NUP85: variants seen among roughly 807,000 people sequenced by gnomAD.
NUP85 encodes nucleoporin 85.
Under a neutral mutation model 92.8 loss-of-function variants are expected in NUP85, and 23 were observed. The ratio of observed to expected loss-of-function variants is 0.25; its 90% CI spans 0.18 to 0.35. The LOEUF is 0.35. NUP85 is among the 10% of genes least tolerant of loss of function. The pLI is 1.00. For synonymous variants in NUP85, 314 were observed against 306.9 expected, an observed-to-expected ratio of 1.02 and a Z score of -0.24; for missense variants, 759 against 822.8, an observed-to-expected ratio of 0.92 and a Z score of 0.95.
intron 7 of NUP85, among the ~76,000 whole-genome samples, chr17:75,221,756 A>G (rs1016365091): frequency 6.6e-6 from 1 of 152,184 alleles, no homozygotes; most frequent in African/African-American, 2.4e-5. Flanking sequence ...TGAGCAGAGG[A>G]AGCCTGAGAT....
intron 6 of NUP85, 39 bp downstream of exon 6, chr17:75,215,862 C>G (rs146209539): frequency 2.0e-6 from 3 of 1,515,744 alleles, no homozygotes; most frequent in Non-Finnish European, 1.8e-6. Flanking sequence ...CATAGGTGTC[C>G]CCTTCCATCT....
intron 18 of NUP85, 34 bp from the exon 19 acceptor site, chr17:75,235,544 C>T: frequency 6.5e-7 from 1 of 1,529,876 alleles, no homozygotes; most frequent in Non-Finnish European, 9.1e-7. Flanking sequence ...CTCCTTCCTG[C>T]TCTTAGCTCA....
Position 75,231,596 on chromosome 17 carries a change from T to C in NUP85, c.1202T>C (p.Phe401Ser). The C allele has an allele frequency of 1.9e-6, 3 of 1,614,158 alleles. No individual in the cohort carries two copies. The highest frequency in any genetic ancestry group is 2.5e-6 in the Non-Finnish European group (3 of 1,180,016). Residue 401 changes from phenylalanine (F) to serine (S), a missense_variant, in exon 13 of 19, where the codon TTC (phenylalanine) becomes TCC (serine). By Grantham distance (155) the Phe-to-Ser change is radical. Coordinates refer to ENST00000245544, the MANE Select transcript of NUP85 (RefSeq NM_024844.5). This position sits in a 1 kb window ranked among gnomAD's most constrained non-coding sequence, Gnocchi z 4.6. ...NLYFGSNMRE[F>S]LLLEYASGLF... ...AGTTTCGGTTCCAACATGAGAGAGT[T>C]CCTCCTGCTGGAGTACGCCTCGGGA...
intron 16 of NUP85, among the ~76,000 whole-genome samples, chr17:75,233,587 A>C (rs2145429425): frequency 6.7e-6 from 1 of 150,196 alleles, no homozygotes; most frequent in Non-Finnish European, 1.5e-5. Flanking sequence ...ACACCTGGCT[A>C]ATTTTTGTAT....
intron 7 of NUP85, among the ~76,000 whole-genome samples, chr17:75,221,702 T>A (rs1330570371): frequency 6.6e-6 from 1 of 152,168 alleles, no homozygotes; most frequent in African/African-American, 2.4e-5. Context: ...TAAAAGCTAG[T>A]CTTTTACTTC....
At chr17:75,234,900 G>A (rs750471677) in intron 17 of NUP85, 112 bp downstream of exon 17, 30 of 1,336,492 alleles carry the variant, frequency 2.2e-5, no homozygotes, top group African/African-American at 2.9e-5. Flanking sequence ...GCCTGTGCGC[G>A]TGTATTCCCC....
rs372532025 is a variant in NUP85, at chr17:75,232,853, C to T, written c.1399C>T (p.Arg467Cys). ...ACCTTTTCTTTTCCCCTGCAAAGTT[C>T]GCAGCATTTGTAAGATCTTAGCCAT... ...CEQRQMTEQVRSICKILAMKA... is the reference protein window; with the variant it reads ...CEQRQMTEQVCSICKILAMKA... The change falls in exon 15 of 19, where the codon CGC becomes TGC. Residue 467 changes from arginine (R) to cysteine (C), a missense_variant and splice_region_variant. By Grantham distance (180) the Arg-to-Cys change is radical. Transcript: ENST00000245544. The T allele has an allele frequency of 7.1e-5, 114 of 1,613,656 alleles. No individual in the cohort carries two copies. The highest frequency in any genetic ancestry group is 5.1e-4 in the African/African-American group (38 of 74,926).
chr17:75,225,894 C>G (rs2075775746), intron 10 of NUP85, 65 bp downstream of exon 10: 2 of 1,605,378 alleles, frequency 1.2e-6, no homozygotes, highest in Non-Finnish European at 1.7e-6. Flanking sequence ...ATGGGTCATT[C>G]TCTTTGAATT....
intron 11 of NUP85, among the ~76,000 whole-genome samples, chr17:75,229,594 G>T (rs890835367): frequency 6.6e-6 from 1 of 152,198 alleles, no homozygotes; most frequent in African/African-American, 2.4e-5. Context: ...GAGTGGGAGT[G>T]TGTGCGTGTG....
At chr17:75,210,352 G>A (rs191718242) in intron 3 of NUP85, among the ~76,000 whole-genome samples, 3 of 152,238 alleles carry the variant, frequency 2.0e-5, no homozygotes, top group Admixed American at 1.3e-4. Flanking sequence ...TGGTTCAGAC[G>A]TTATTTGACA....
At chr17:75,205,929 C>A in intron 1 of NUP85, 135 bp downstream of exon 1, 1 of 1,037,000 alleles carries the variant, frequency 9.6e-7, no homozygotes, top group Non-Finnish European at 1.4e-6. Flanking sequence ...GCCACTTTTC[C>A]GGAGGTCGCA....
At position 75,227,002 on chromosome 17, in the gene NUP85, A is replaced by C. The variant is rs182953694; in HGVS notation, c.1094+845A>C. The C allele has an allele frequency of 1.8e-3, 436 of 242,544 alleles. 3 individuals are homozygous for C. The highest frequency in any genetic ancestry group is 4.7e-3 in the South Asian group (102 of 21,770). The allele number at this position is 242,544 out of a possible 1,614,324, so 15.0% of individuals were successfully genotyped here. ...CAAGGCAGGAAAGGGAGTGCCAAAC[A>C]TAATCAATCAAAGGTAAACCTTTCC... is the stretch of plus-strand genomic sequence containing the variant. On this transcript the variant is annotated intron_variant, in intron 11 of 18. Transcript: ENST00000245544.
intron 3 of NUP85, among the ~76,000 whole-genome samples, chr17:75,211,568 T>C (rs2075261570): frequency 6.6e-6 from 1 of 151,802 alleles, no homozygotes; most frequent in African/African-American, 2.4e-5. Context: ...CTGGGATTTT[T>C]GTATTTTTAG....
intron 11 of NUP85, chr17:75,228,097 C>T (rs2030831280): frequency 4.6e-6 from 3 of 655,966 alleles, no homozygotes; most frequent in Non-Finnish European, 5.7e-6. Flanking sequence ...TCTAAATTTC[C>T]TGTGTTATAA....
chr17:75,228,646 C>T lies in NUP85; in HGVS notation c.1094+2489C>T, dbSNP rs117311822. 4.6e-4 allele frequency: 458 copies of T among 985,412 alleles called. 8 individuals carry two copies. In the East Asian group the frequency reaches 0.042, roughly 90 times the overall value. The allele number at this position is 985,412 out of a possible 1,614,324, so 61.0% of individuals were successfully genotyped here. On this transcript the variant is annotated intron_variant, in intron 11 of 18. Coordinates refer to ENST00000245544, the MANE Select transcript of NUP85 (RefSeq NM_024844.5). ...TTCTGGGCGGCAGGGAAGTGTGTCT[C>T]TTTCTGGACTTGAGCCAGTGAGCTG...
rs773987333 is a variant in NUP85, at chr17:75,215,739, C to G, written c.406-15C>G. 5 of 1,613,034 alleles carry G rather than the reference C, an allele frequency of 3.1e-6. No individual in the cohort carries two copies. The South Asian group carries it at 5.5e-5, about 18-fold the overall frequency. ...GAATCATTTCAGGTGAAACCTGTCCCCATTTCTTCCTTAGGTCTCCATTTT... is the reference window on the plus strand; with the variant it reads ...GAATCATTTCAGGTGAAACCTGTCCGCATTTCTTCCTTAGGTCTCCATTTT... On this transcript the variant is annotated splice_polypyrimidine_tract_variant and intron_variant, in intron 5 of 18. Transcript: ENST00000245544.
intron 4 of NUP85, among the ~76,000 whole-genome samples, chr17:75,212,775 C>T (rs1449430062): frequency 6.6e-6 from 1 of 151,986 alleles, no homozygotes; most frequent in Non-Finnish European, 1.5e-5. Flanking sequence ...TTGACATCAG[C>T]CTCCCAAAGT....
At position 75,205,733 on chromosome 17, in the gene NUP85, C is replaced by A. The variant is rs2075056207; in HGVS notation, c.-29C>A. ...TGAGCGGGAAGCATTGGCGTCCGAG[C>A]GACTTCTAGGAGCCTGGGGTTCGGC... On this transcript the variant is annotated 5_prime_UTR_variant, in exon 1 of 19. Coordinates refer to ENST00000245544, the MANE Select transcript of NUP85 (RefSeq NM_024844.5). 3 of 1,614,016 alleles carry A rather than the reference C, an allele frequency of 1.9e-6. No individual in the cohort carries two copies. Among genetic ancestry groups the A allele is most frequent in the Non-Finnish European group, 1.7e-6 (2 of 1,179,924 alleles).
intron 11 of NUP85, among the ~76,000 whole-genome samples, chr17:75,229,759 G>A (rs2075970884): frequency 1.3e-5 from 2 of 152,162 alleles, no homozygotes; most frequent in Non-Finnish European, 2.9e-5. Flanking sequence ...GGAGGCTGCT[G>A]GATCCTTTGG....
Sources: allele counts gnomAD v4.1 joint callset (sites outside exome capture counted in the v4.1 genomes callset), GRCh38; gene constraint gnomAD v4.1.1; non-coding constraint Gnocchi (gnomAD v3.1); transcripts MANE v1.5; gene names NCBI Gene and HGNC (gene_info 2026-07-23, HGNC 2026-07-21).